Variants in LRRC37A2 observed in about 807,000 individuals in gnomAD.
LRRC37A2 encodes the protein leucine-rich repeat-containing protein 37A2.
LRRC37A2 carries 9 observed loss-of-function variants against 68.8 expected under a neutral mutation model. That is an observed-to-expected ratio of 0.13 (90% CI 0.08 to 0.23). The LOEUF is 0.23. Ranked by LOEUF, LRRC37A2 falls within the 10% of genes least tolerant of loss-of-function variation. The pLI, the probability that LRRC37A2 is intolerant of heterozygous loss-of-function variation, is 1.00. For missense variants in LRRC37A2, 168 were observed against 950.4 expected (o/e 0.18, Z 10.82); for synonymous variants, 63 against 367.6 (o/e 0.17, Z 9.48).
chr17:46,768,007 C>T, the LRRC37A2 span, among the ~76,000 whole-genome samples: 2 of 152,160 alleles, frequency 1.3e-5, no homozygotes, highest in Admixed American at 1.3e-4. The surrounding 1 kb of genome is among the most constrained non-coding windows in gnomAD (Gnocchi z 5.0). Flanking sequence ...AGGCCGGTCT[C>T]GAACTCCTGA....
chr17:46,826,032 A>C, the LRRC37A2 span, among the ~76,000 whole-genome samples: 1 of 152,226 alleles, frequency 6.6e-6, no homozygotes, highest in African/African-American at 2.4e-5. Context: ...AAGAAAACAA[A>C]ACAAAACGAA....
At chr17:47,001,488 G>T in the LRRC37A2 span, among the ~76,000 whole-genome samples, 1 of 151,894 alleles carries the variant, frequency 6.6e-6, no homozygotes, top group Non-Finnish European at 1.5e-5. Context: ...AACATTTTAG[G>T]CAGATTTATT....
At chr17:46,741,813 C>T in the LRRC37A2 span, among the ~76,000 whole-genome samples, 2 of 152,152 alleles carry the variant, frequency 1.3e-5, no homozygotes, top group Admixed American at 6.5e-5. Context: ...GTTGCCCAGG[C>T]TGGAGTGCAG....
At chr17:46,894,911 C>A in the LRRC37A2 span, among the ~76,000 whole-genome samples, 5 of 152,232 alleles carry the variant, frequency 3.3e-5, no homozygotes, top group Non-Finnish European at 7.3e-5. Context: ...GCCATGCAAG[C>A]CGGAATGCAC....
At chr17:46,392,286 A>C in the LRRC37A2 span, among the ~76,000 whole-genome samples, 1,150 of 67,728 alleles carry the variant, frequency 0.017, 411 homozygotes, top group African/African-American at 0.051. Context: ...ATCAGGGCTC[A>C]CTGTAGCCTT....
the LRRC37A2 span, among the ~76,000 whole-genome samples, chr17:47,026,984 C>A: frequency 1.1e-4 from 17 of 152,110 alleles, no homozygotes; most frequent in Non-Finnish European, 8.8e-5. Flanking sequence ...AATCTCGGCT[C>A]ACTGCAAGCT....
the LRRC37A2 span, among the ~76,000 whole-genome samples, chr17:46,921,826 G>C: frequency 1.3e-5 from 2 of 152,156 alleles, no homozygotes; most frequent in African/African-American, 4.8e-5. Context: ...TAAAAAGTCA[G>C]GAAACAACAG....
the LRRC37A2 span, among the ~76,000 whole-genome samples, chr17:46,460,720 AAG>A: frequency 2.7e-5 from 2 of 75,210 alleles, 1 homozygote; most frequent in Non-Finnish European, 5.7e-5. Flanking sequence ...GACACATCTG[AAG>A]AGAGAATTAG....
At chr17:47,012,903 T>C in the LRRC37A2 span, among the ~76,000 whole-genome samples, 1 of 152,198 alleles carries the variant, frequency 6.6e-6, no homozygotes, top group Non-Finnish European at 1.5e-5. Flanking sequence ...CAAAAACTTA[T>C]ACGTGAATGT....
At chr17:46,946,461 C>CA in the LRRC37A2 span, among the ~76,000 whole-genome samples, 1,939 of 98,866 alleles carry the variant, frequency 0.02, 53 homozygotes, top group African/African-American at 0.071. Context: ...AACTCCGTCT[C>CA]AAAAAAAAAA....
chr17:47,044,241 G>T, the LRRC37A2 span, among the ~76,000 whole-genome samples: 2 of 150,948 alleles, frequency 1.3e-5, no homozygotes, highest in Non-Finnish European at 3.0e-5. Context: ...AGTCTCAAAG[G>T]TTTGTCAGTA....
At chr17:46,748,201 C>T in the LRRC37A2 span, among the ~76,000 whole-genome samples, 47 of 152,156 alleles carry the variant, frequency 3.1e-4, no homozygotes, top group Non-Finnish European at 5.9e-4. Context: ...CAACTTCTGA[C>T]TCTTGGGTTC....
chr17:46,810,486 G>A, the LRRC37A2 span, among the ~76,000 whole-genome samples: 3 of 152,270 alleles, frequency 2.0e-5, no homozygotes, highest in South Asian at 6.2e-4. Context: ...CTGGTCACGG[G>A]GCATGCCCAC....
At chr17:47,022,923 A>G in the LRRC37A2 span, among the ~76,000 whole-genome samples, 2 of 152,374 alleles carry the variant, frequency 1.3e-5, no homozygotes, top group East Asian at 1.9e-4. Flanking sequence ...TTCCTGTAGC[A>G]TAGATATCTA....
At chr17:46,870,205 A>G in the LRRC37A2 span, among the ~76,000 whole-genome samples, 1 of 152,138 alleles carries the variant, frequency 6.6e-6, no homozygotes, top group East Asian at 1.9e-4. Context: ...TCTGAAACAC[A>G]GGAATTGTGT....
the LRRC37A2 span, among the ~76,000 whole-genome samples, chr17:46,814,342 TTTC>T: frequency 6.6e-6 from 1 of 152,158 alleles, no homozygotes. Context: ...TTTGACCTGT[TTTC>T]TTCTTTTTAA....
chr17:46,388,422 T>C, the LRRC37A2 span, among the ~76,000 whole-genome samples: 2 of 57,226 alleles, frequency 3.5e-5, no homozygotes, highest in African/African-American at 5.3e-5. Context: ...ATTAGCCGGG[T>C]GTGGTGGCGC....
At chr17:47,040,548 G>A in the LRRC37A2 span, among the ~76,000 whole-genome samples, 1 of 127,212 alleles carries the variant, frequency 7.9e-6, no homozygotes, top group African/African-American at 2.8e-5. Context: ...GTAAAGTCTC[G>A]CATTATATGT....
At chr17:46,622,587 A>G in the LRRC37A2 span, among the ~76,000 whole-genome samples, 9 of 147,514 alleles carry the variant, frequency 6.1e-5, no homozygotes, top group South Asian at 1.9e-3. Context: ...GTTCGAGACC[A>G]GCCTGGGCAA....
Sources: gnomAD v4.1 joint callset for allele counts (sites outside exome capture counted in the v4.1 genomes callset) on GRCh38, gnomAD v4.1.1 for gene constraint, Gnocchi (gnomAD v3.1) non-coding constraint, MANE v1.5 for transcripts, NCBI Gene and HGNC (gene_info 2026-07-23, HGNC 2026-07-21) for gene names.